Variants in FAM168A observed in about 807,000 individuals in gnomAD.
The protein encoded by FAM168A is family with sequence similarity 168 member A, also known as protein FAM168A.
Under a neutral mutation model 28.5 loss-of-function variants are expected in FAM168A, and 3 were observed. The observed-to-expected ratio is 0.11, with a 90% confidence interval of 0.05 to 0.27. The LOEUF (loss-of-function observed/expected upper bound fraction) is 0.27, where lower values mean the gene tolerates loss of function less well. Ranked by LOEUF, FAM168A falls within the 10% of genes least tolerant of loss-of-function variation. The probability of loss-of-function intolerance (pLI) is 1.00; values close to 1 mark genes in which losing one functional copy is unlikely to be tolerated. For missense variants in FAM168A, 222 were observed against 311.5 expected (o/e 0.71, Z 2.16); for synonymous variants, 122 against 124.2 (o/e 0.98, Z 0.12).
chr11:73,567,649 T>C (rs1944036405), intron 1 of FAM168A, among the ~76,000 whole-genome samples: 1 of 152,152 alleles, frequency 6.6e-6, no homozygotes, highest in African/African-American at 2.4e-5. Flanking sequence ...TTTCCAAATG[T>C]TATTTATAAC....
At chr11:73,466,156 C>T (rs1792945767) in intron 2 of FAM168A, among the ~76,000 whole-genome samples, 1 of 152,214 alleles carries the variant, frequency 6.6e-6, no homozygotes, top group Admixed American at 6.5e-5. Flanking sequence ...GATGACAGTA[C>T]AATGGACTTG....
At chr11:73,411,080 T>C (rs910405445) in intron 5 of FAM168A, among the ~76,000 whole-genome samples, 1 of 152,208 alleles carries the variant, frequency 6.6e-6, no homozygotes, top group Non-Finnish European at 1.5e-5. Flanking sequence ...GACAAGTCAT[T>C]CCCCTCTTTG....
At chr11:73,426,464 T>C (rs1242384622) in intron 3 of FAM168A, among the ~76,000 whole-genome samples, 1 of 152,212 alleles carries the variant, frequency 6.6e-6, no homozygotes, top group Non-Finnish European at 1.5e-5. Flanking sequence ...TTAAAGCAGC[T>C]GAAAGAAATT....
At chr11:73,560,611 T>A (rs1943947023) in intron 1 of FAM168A, among the ~76,000 whole-genome samples, 1 of 152,070 alleles carries the variant, frequency 6.6e-6, no homozygotes, top group African/African-American at 2.4e-5. Flanking sequence ...TCAGAAAAAC[T>A]GAAAGAGGTA....
intron 1 of FAM168A, among the ~76,000 whole-genome samples, chr11:73,570,647 T>C (rs1057405430): frequency 6.6e-6 from 1 of 150,554 alleles, no homozygotes; most frequent in Non-Finnish European, 1.5e-5. Flanking sequence ...AGTGTAGAGA[T>C]CACTGGAGCC....
chr11:73,415,041 C>T (rs1266665824), intron 4 of FAM168A, among the ~76,000 whole-genome samples: 1 of 152,198 alleles, frequency 6.6e-6, no homozygotes, highest in Non-Finnish European at 1.5e-5. Flanking sequence ...GAGACTATCC[C>T]TCTGAGGAAA....
intron 1 of FAM168A, among the ~76,000 whole-genome samples, chr11:73,565,564 T>C (rs1486420142): frequency 2.1e-5 from 3 of 146,084 alleles, no homozygotes; most frequent in African/African-American, 8.4e-5. Flanking sequence ...AATACCTTTC[T>C]TGGAGCTACT....
At chr11:73,492,581 C>T (rs548217914) in intron 1 of FAM168A, among the ~76,000 whole-genome samples, 4 of 152,226 alleles carry the variant, frequency 2.6e-5, no homozygotes, top group African/African-American at 7.2e-5. Flanking sequence ...GTCAAGGCTG[C>T]GGTAAGCCGA....
rs116090572 is a variant in FAM168A, at chr11:73,477,888, C to T, written c.-18-9396G>A. ...TACTAGACAGTAATTCAAGTCCACA[C>T]ACAAAAATAAAGAGCACCAGGAAAG... On this transcript the variant is annotated intron_variant, in intron 1 of 7. Coordinates refer to ENST00000356467, the MANE Select transcript of FAM168A (RefSeq NM_015159.3). Among the ~76,000 whole-genome samples the T allele has an allele frequency of 8.8e-3, 1,332 of 151,992 alleles. 21 individuals carry two copies. Among genetic ancestry groups the T allele is most frequent in the African/African-American group, 0.03 (1,247 of 41,428 alleles).
In FAM168A at chr11:73,516,337, T is replaced by C. The variant is rs571334312; in HGVS notation, c.-18-47845A>G. ...ATTTTTTCATTTGTAAAATGGAGAATAAAACCACTTACTTTACTGGATTGT... is the reference window on the plus strand; with the variant it reads ...ATTTTTTCATTTGTAAAATGGAGAACAAAACCACTTACTTTACTGGATTGT... On this transcript the variant is annotated intron_variant, in intron 1 of 7. Coordinates refer to ENST00000356467, the MANE Select transcript of FAM168A (RefSeq NM_015159.3). 6.6e-5 allele frequency among the ~76,000 whole-genome samples: 10 copies of C among 152,294 alleles called. No individual in the cohort carries two copies. In the East Asian group the frequency reaches 1.7e-3, roughly 26 times the overall value.
At chr11:73,534,386 A>G (rs1049892488) in intron 1 of FAM168A, among the ~76,000 whole-genome samples, 6 of 151,310 alleles carry the variant, frequency 4.0e-5, no homozygotes, top group African/African-American at 1.5e-4. Flanking sequence ...TCTTTCTTTC[A>G]TTTTTTATTT....
intron 3 of FAM168A, among the ~76,000 whole-genome samples, chr11:73,424,100 T>A (rs970777272): frequency 6.6e-6 from 1 of 152,176 alleles, no homozygotes; most frequent in Non-Finnish European, 1.5e-5. Context: ...ACCTCAGAGA[T>A]CATGTGAAAT....
At chr11:73,432,424 C>T (rs1239727507) in intron 2 of FAM168A, among the ~76,000 whole-genome samples, 2 of 151,830 alleles carry the variant, frequency 1.3e-5, no homozygotes, top group Admixed American at 1.3e-4. Context: ...TCTCTACATC[C>T]TCAACAACCC....
At chr11:73,508,862 C>T (rs17244602) in intron 1 of FAM168A, among the ~76,000 whole-genome samples, 11,849 of 152,062 alleles carry the variant, frequency 0.078, 560 homozygotes, top group Non-Finnish European at 0.11. Context: ...CTAGTTTGTG[C>T]GTATATGTTG....
At chr11:73,467,114 C>G (rs181260083) in intron 2 of FAM168A, among the ~76,000 whole-genome samples, 1 of 152,094 alleles carries the variant, frequency 6.6e-6, no homozygotes, top group African/African-American at 2.4e-5. Flanking sequence ...GGAGTTTATA[C>G]TATCTGTGTG....
chr11:73,425,379 G>A (rs1021990032), intron 3 of FAM168A, among the ~76,000 whole-genome samples: 1 of 152,138 alleles, frequency 6.6e-6, no homozygotes, highest in African/African-American at 2.4e-5. Flanking sequence ...AACTGCAGAG[G>A]GATTTCACAT....
chr11:73,435,542 T>C (rs1867071360), intron 2 of FAM168A, among the ~76,000 whole-genome samples: 1 of 152,182 alleles, frequency 6.6e-6, no homozygotes, highest in Non-Finnish European at 1.5e-5. Flanking sequence ...TTCCTTCCTT[T>C]CTTACTTCTT....
At chr11:73,518,881 A>G (rs988726428) in intron 1 of FAM168A, among the ~76,000 whole-genome samples, 41 of 152,082 alleles carry the variant, frequency 2.7e-4, no homozygotes, top group African/African-American at 9.7e-4. Context: ...TGGGAGACAG[A>G]GTGAGACTGT....
intron 1 of FAM168A, among the ~76,000 whole-genome samples, chr11:73,471,977 T>C (rs531350423): frequency 2.0e-5 from 3 of 152,126 alleles, no homozygotes; most frequent in Non-Finnish European, 4.4e-5. Context: ...CATTACCACC[T>C]GAGCTCACCT....
Sources: allele counts gnomAD v4.1 joint callset (sites outside exome capture counted in the v4.1 genomes callset), GRCh38; gene constraint gnomAD v4.1.1; transcripts MANE v1.5; gene names NCBI Gene and HGNC (gene_info 2026-07-23, HGNC 2026-07-21).